Variants in ERG28 observed in about 807,000 individuals in gnomAD.
ERG28 encodes ergosterol biosynthesis 28 homolog.
ERG28 carries 9 observed loss-of-function variants against 15.7 expected under a neutral mutation model. The observed-to-expected ratio is 0.57, with a 90% CI of 0.35 to 1.00. The LOEUF (loss-of-function observed/expected upper bound fraction) is 1.00. Among genes scored for constraint, ERG28 ranks in the 50% least tolerant of loss-of-function variants. The pLI is 0.02. For synonymous variants in ERG28, 61 were observed against 68.4 expected (o/e 0.89, Z 0.53); for missense variants, 117 against 173.3 (o/e 0.68, Z 1.82).
chr14:75,659,563 CTTTTT>C (rs10706626), intron 1 of ERG28, among the ~76,000 whole-genome samples: 1 of 138,092 alleles, frequency 7.2e-6, no homozygotes. Context: ...AGCACCCAGC[CTTTTT>C]TTTTTTTTTT....
chr14:75,655,485 T>G (rs1890585475), intron 2 of ERG28, among the ~76,000 whole-genome samples: 1 of 152,246 alleles, frequency 6.6e-6, no homozygotes, highest in African/African-American at 2.4e-5. Flanking sequence ...AGATCTATGC[T>G]GTTGGATGAA....
intron 1 of ERG28, among the ~76,000 whole-genome samples, chr14:75,658,514 C>T (rs1890627811): frequency 6.6e-6 from 1 of 152,142 alleles, no homozygotes; most frequent in Admixed American, 6.5e-5. Flanking sequence ...GTAATTTTCT[C>T]CAGATAAGAC....
chr14:75,652,546 T>C (rs1309675433), intron 3 of ERG28, among the ~76,000 whole-genome samples: 1 of 152,192 alleles, frequency 6.6e-6, no homozygotes, highest in Admixed American at 6.5e-5. Context: ...GCTGATATCT[T>C]TTTAGTATAA....
At chr14:75,655,715 G>C (rs1890587446) in intron 2 of ERG28, among the ~76,000 whole-genome samples, 1 of 152,108 alleles carries the variant, frequency 6.6e-6, no homozygotes, top group Admixed American at 6.5e-5. Flanking sequence ...ACAAGGCCTG[G>C]GTACCAGACC....
At chr14:75,654,662 G>A (rs1429348553) in intron 3 of ERG28, among the ~76,000 whole-genome samples, 1 of 152,212 alleles carries the variant, frequency 6.6e-6, no homozygotes, top group African/African-American at 2.4e-5. Context: ...TGGCCTGCCA[G>A]TTTGCTATGT....
At position 75,651,927 on chromosome 14, in the gene ERG28, T is replaced by C. The variant is rs200305930; in HGVS notation, c.225-38A>G. The stretch of plus-strand genomic sequence containing the variant: ...AGACAGAAATGGGAACCAAAGTTAC[T>C]GTTTGTTCAGAACAGAGGAAAAGTA... On this transcript the variant is annotated intron_variant, in intron 3 of 4. Transcript: ENST00000256319. The C allele has an allele frequency of 2.8e-4, 431 of 1,528,262 alleles. 3 individuals are homozygous for C. In the South Asian group the frequency reaches 4.6e-3, roughly 16 times the overall value. The allele number at this position is 1,528,262 out of a possible 1,614,324, so 94.7% of individuals were successfully genotyped here.
chr14:75,660,493 T>C (rs771841423), intron 1 of ERG28, among the ~76,000 whole-genome samples: 8 of 152,230 alleles, frequency 5.3e-5, no homozygotes, highest in Non-Finnish European at 1.2e-4. Flanking sequence ...CGAAGGGCTA[T>C]TGTAAGAATT....
In ERG28 at chr14:75,654,896, G is replaced by A. The variant is rs1426973249; in HGVS notation, c.214C>T (p.His72Tyr). Residue 72 changes from histidine to tyrosine, a missense_variant, in exon 3 of 5, where the codon CAC becomes TAC. Transcript: ENST00000256319. ...CCTTCCCTTACATACGTCTTGTTGTGAATGTCAATGGCACAGAGGCAGCGA... is the reference window on the plus strand; with the variant it reads ...CCTTCCCTTACATACGTCTTGTTGTAAATGTCAATGGCACAGAGGCAGCGA... The part of the protein sequence containing the change: ...VIRCLCAIDI[H>Y]NKTLYHITLW... The A allele has an allele frequency of 6.2e-7, 1 of 1,613,310 alleles. No individual in the cohort carries two copies. Among genetic ancestry groups the A allele is most frequent in the South Asian group, 1.1e-5 (1 of 91,070 alleles).
At position 75,652,014 on chromosome 14, in the gene ERG28, T is replaced by G. The variant is rs7142778; in HGVS notation, c.225-125A>C. 3,650 of 829,612 alleles carry G rather than the reference T, an allele frequency of 4.4e-3. 108 individuals carry two copies. In the African/African-American group the frequency reaches 0.055, roughly 12 times the overall value. 51.4% of individuals were successfully genotyped at this position (829,612 alleles called of 1,614,324 possible). A position where few individuals can be genotyped will look rare whatever the true frequency, so the allele number is the denominator to read the frequency against. On this transcript the variant is annotated intron_variant, in intron 3 of 4. Transcript: ENST00000256319. ...CATTAAGACTTAAAAGAAAGGACAC[T>G]TGTTCCTGAGGAAGAGCTGGTTATT...
At chr14:75,655,469 G>A (rs947994910) in intron 2 of ERG28, among the ~76,000 whole-genome samples, 14 of 152,192 alleles carry the variant, frequency 9.2e-5, no homozygotes, top group African/African-American at 3.4e-4. Flanking sequence ...GTCTCTTCCT[G>A]CATCCAGATC....
At chr14:75,660,393 C>T (rs1192998541) in intron 1 of ERG28, among the ~76,000 whole-genome samples, 2 of 152,160 alleles carry the variant, frequency 1.3e-5, no homozygotes, top group East Asian at 3.8e-4. Context: ...CCTGGCCCTA[C>T]CACTTAGTAG....
intron 1 of ERG28, 84 bp from the exon 2 acceptor site, chr14:75,657,617 G>T (rs1340276570): frequency 1.6e-6 from 2 of 1,289,212 alleles, no homozygotes; most frequent in Non-Finnish European, 2.2e-6. Context: ...AATGAAGCAG[G>T]CCAAAAAAAG....
chr14:75,652,792 A>G (rs1890543792), intron 3 of ERG28, among the ~76,000 whole-genome samples: 1 of 139,096 alleles, frequency 7.2e-6, no homozygotes, highest in Non-Finnish European at 1.6e-5. Context: ...TTTGATTTGT[A>G]TCTCTCCTGT....
chr14:75,656,831 T>C (rs976595973), intron 2 of ERG28, among the ~76,000 whole-genome samples: 5 of 152,154 alleles, frequency 3.3e-5, no homozygotes, highest in African/African-American at 1.2e-4. Context: ...TCAGGGACTA[T>C]GTCACGGAAG....
intron 1 of ERG28, among the ~76,000 whole-genome samples, chr14:75,658,466 T>C (rs1890627022): frequency 6.6e-6 from 1 of 152,188 alleles, no homozygotes; most frequent in Non-Finnish European, 1.5e-5. Flanking sequence ...TTCCACCAGT[T>C]GTAACTACAG....
chr14:75,654,601 G>T (rs1206545455), intron 3 of ERG28, among the ~76,000 whole-genome samples: 1 of 152,194 alleles, frequency 6.6e-6, no homozygotes, highest in Non-Finnish European at 1.5e-5. Context: ...TAGAAGAAGG[G>T]CTGATTCTTT....
intron 4 of ERG28, 65 bp downstream of exon 4, chr14:75,651,706 C>T: frequency 1.1e-5 from 18 of 1,590,796 alleles, no homozygotes; most frequent in Non-Finnish European, 1.6e-5. Flanking sequence ...CCTGTGTCCA[C>T]CCTCTGTACT....
chr14:75,654,166 G>A (rs1890566798), intron 3 of ERG28, among the ~76,000 whole-genome samples: 3 of 152,154 alleles, frequency 2.0e-5, no homozygotes, highest in East Asian at 1.9e-4. Context: ...AAATATTATC[G>A]CCTCCTGTTT....
intron 2 of ERG28, among the ~76,000 whole-genome samples, chr14:75,656,871 C>G (rs1890604607): frequency 6.6e-6 from 1 of 152,172 alleles, no homozygotes; most frequent in African/African-American, 2.4e-5. Flanking sequence ...CCATCTGTAA[C>G]ATGGAATATG....
Sources: gnomAD v4.1 joint callset for allele counts (sites outside exome capture counted in the v4.1 genomes callset) on GRCh38, gnomAD v4.1.1 for gene constraint, MANE v1.5 for transcripts, NCBI Gene and HGNC (gene_info 2026-07-23, HGNC 2026-07-21) for gene names.